The following FAM167A variants were observed in gnomAD, a reference collection of about 807,000 sequenced individuals.
FAM167A encodes the protein protein FAM167A.
Under a neutral mutation model 14.9 loss-of-function variants are expected in FAM167A, and 23 were observed. The ratio of observed to expected loss-of-function variants is 1.55; its 90% CI spans 1.11 to 2.19. The LOEUF (loss-of-function observed/expected upper bound fraction) is 2.19, where lower values mean the gene tolerates loss of function less well. Ranked by LOEUF, FAM167A falls within the 30% of genes most tolerant of loss-of-function variation. FAM167A has a pLI of 0.00. For synonymous variants in FAM167A, 174 were observed against 117.7 expected (o/e 1.48, Z -3.10); for missense variants, 401 against 281.5 (o/e 1.42, Z -3.04).
chr8:11,432,717 A>G (rs1805698830), intron 2 of FAM167A, among the ~76,000 whole-genome samples: 1 of 152,264 alleles, frequency 6.6e-6, no homozygotes, highest in Non-Finnish European at 1.5e-5. Flanking sequence ...TACTGGGCAT[A>G]TACTGAAAGG....
At chr8:11,438,409 G>A (rs774647405) in intron 2 of FAM167A, 14 of 452,274 alleles carry the variant, frequency 3.1e-5, no homozygotes, top group African/African-American at 2.0e-4. Flanking sequence ...TTGGGAGATT[G>A]AAGGCCTTAC....
At chr8:11,456,187 AATGTGGGGGGTGGTTGCCTTGCT>A (rs1425590345) in intron 1 of FAM167A, among the ~76,000 whole-genome samples, 22 of 1,388 alleles carry the variant, frequency 0.016, no homozygotes, top group South Asian at 0.036. Context: ...TGTGTGTGTG[AATGTGGGGGGTGGTTGCCTTGCT>A]GTGTGAGTGT....
At chr8:11,448,811 C>T (rs1276044202) in intron 1 of FAM167A, among the ~76,000 whole-genome samples, 2 of 152,236 alleles carry the variant, frequency 1.3e-5, no homozygotes, top group African/African-American at 4.8e-5. Flanking sequence ...AGGCCAGGCC[C>T]CAGAAGCCTG....
intron 1 of FAM167A, among the ~76,000 whole-genome samples, chr8:11,451,529 T>C (rs933920101): frequency 1.3e-5 from 2 of 152,192 alleles, no homozygotes; most frequent in African/African-American, 4.8e-5. Context: ...CAACACCCTC[T>C]CCTTTCCTGT....
intron 1 of FAM167A, among the ~76,000 whole-genome samples, chr8:11,454,597 A>G (rs1807156014): frequency 6.6e-6 from 1 of 152,164 alleles, no homozygotes; most frequent in Non-Finnish European, 1.5e-5. Context: ...ATACACAGAA[A>G]ATTCAGGGTG....
intron 2 of FAM167A, among the ~76,000 whole-genome samples, chr8:11,434,556 G>A (rs1002401872): frequency 1.3e-5 from 2 of 152,220 alleles, no homozygotes; most frequent in African/African-American, 4.8e-5. Flanking sequence ...TTCGGGCCCT[G>A]CCGAGGACTC....
upstream of FAM167A, among the ~76,000 whole-genome samples, chr8:11,469,822 G>A (rs1445339879): frequency 6.6e-6 from 1 of 151,956 alleles, no homozygotes; most frequent in Non-Finnish European, 1.5e-5. Flanking sequence ...GAAGGTTGCA[G>A]TCAGCCATGA....
At chr8:11,454,284 G>C (rs555364183) in intron 1 of FAM167A, among the ~76,000 whole-genome samples, 9 of 152,362 alleles carry the variant, frequency 5.9e-5, no homozygotes, top group African/African-American at 2.2e-4. Flanking sequence ...AGCCTGCTGT[G>C]TGTGTCACCA....
At chr8:11,455,829 AGT>A (rs1807242169) in intron 1 of FAM167A, among the ~76,000 whole-genome samples, 1 of 25,234 alleles carries the variant, frequency 4.0e-5, no homozygotes, top group Admixed American at 4.5e-4. Flanking sequence ...GCTGTGTATG[AGT>A]GTGAGTGTGA....
intron 2 of FAM167A, among the ~76,000 whole-genome samples, chr8:11,442,749 C>T (rs971730456): frequency 2.6e-5 from 4 of 151,954 alleles, no homozygotes; most frequent in African/African-American, 7.2e-5. Flanking sequence ...GGCTCAAACC[C>T]GCAGGTGCCT....
chr8:11,452,245 G>C (rs1807057221), intron 1 of FAM167A, among the ~76,000 whole-genome samples: 1 of 152,192 alleles, frequency 6.6e-6, no homozygotes, highest in South Asian at 2.1e-4. Context: ...TGCTTGATGA[G>C]GACAGAATGA....
chr8:11,421,968 T>C lies in FAM167A; in HGVS notation c.*2405A>G, dbSNP rs752231869. The C allele has an allele frequency of 1.8e-4, 71 of 397,324 alleles. No homozygotes were observed. Among genetic ancestry groups the C allele is most frequent in the Non-Finnish European group, 2.5e-4 (57 of 225,776 alleles). The allele number at this position is 397,324 out of a possible 1,614,324, so 24.6% of individuals were successfully genotyped here. ...AAGGAAGCCAGTCAACACTGGACGA[T>C]GTTTAGAAAACATCGCTGTCCCCCT... On this transcript the variant is annotated 3_prime_UTR_variant, in exon 3 of 3. Transcript: ENST00000284486.
At chr8:11,442,277 A>G (rs1008569161) in intron 2 of FAM167A, among the ~76,000 whole-genome samples, 9 of 152,132 alleles carry the variant, frequency 5.9e-5, no homozygotes, top group Admixed American at 2.0e-4. Flanking sequence ...CAGGCTGCAC[A>G]TGAGAAGCAC....
At chr8:11,432,174 C>G (rs1805651265) in intron 2 of FAM167A, among the ~76,000 whole-genome samples, 2 of 152,120 alleles carry the variant, frequency 1.3e-5, no homozygotes, top group African/African-American at 2.4e-5. Flanking sequence ...AGATCTGCTC[C>G]AATACTTTCT....
intron 2 of FAM167A, among the ~76,000 whole-genome samples, chr8:11,427,063 G>A (rs1165880713): frequency 6.6e-6 from 1 of 152,222 alleles, no homozygotes; most frequent in Non-Finnish European, 1.5e-5. Flanking sequence ...TGTGAGGGAG[G>A]TATGTAGGTT....
intron 2 of FAM167A, among the ~76,000 whole-genome samples, chr8:11,429,521 A>G (rs1805427666): frequency 6.6e-6 from 1 of 152,206 alleles, no homozygotes; most frequent in Non-Finnish European, 1.5e-5. Flanking sequence ...CGTTTGACAT[A>G]GATTGTTTCA....
intron 1 of FAM167A, among the ~76,000 whole-genome samples, chr8:11,459,212 A>G (rs1807445461): frequency 6.6e-6 from 1 of 152,230 alleles, no homozygotes; most frequent in Non-Finnish European, 1.5e-5. Flanking sequence ...ACCCTGAGGC[A>G]TGACTGGTAT....
Position 11,457,276 on chromosome 8 carries a change from T to C in FAM167A, c.-398+9350A>G, listed in dbSNP as rs115826830. ...GGACAGCACTAGCCTTCCCCCTTCC[T>C]GGAAGCCTCCTGTTTGCTGCCGGGG... is the stretch of plus-strand genomic sequence containing the variant. On this transcript the variant is annotated intron_variant, in intron 1 of 2. Coordinates refer to ENST00000284486, the MANE Select transcript of FAM167A (RefSeq NM_053279.3). Among the ~76,000 whole-genome samples the C allele has an allele frequency of 1.7e-4, 26 of 152,050 alleles. 1 individual carries two copies. The highest frequency in any genetic ancestry group is 5.3e-4 in the African/African-American group (22 of 41,432).
At chr8:11,439,951 T>C (rs1472297346) in intron 2 of FAM167A, among the ~76,000 whole-genome samples, 1 of 152,106 alleles carries the variant, frequency 6.6e-6, no homozygotes, top group African/African-American at 2.4e-5. Flanking sequence ...ATGCTCTGAA[T>C]TCCGGACTCA....
Sources: allele counts gnomAD v4.1 joint callset (sites outside exome capture counted in the v4.1 genomes callset), GRCh38; gene constraint gnomAD v4.1.1; transcripts MANE v1.5; gene names NCBI Gene and HGNC (gene_info 2026-07-23, HGNC 2026-07-21).